ABLIM1: variants seen among roughly 807,000 people sequenced by gnomAD.
ABLIM1 encodes actin-binding LIM protein 1.
ABLIM1 carries 40 observed loss-of-function variants against 107.0 expected under a neutral mutation model. The observed-to-expected ratio is 0.37, with a 90% CI of 0.29 to 0.49. The LOEUF is 0.49. ABLIM1 is among the 20% of genes least tolerant of loss of function. The pLI is 0.97. For missense variants in ABLIM1, 857 were observed against 1,008.5 expected (o/e 0.85, Z 2.04); for synonymous variants, 357 against 357.3 (o/e 1.00, Z 0.01).
At chr10:114,555,513 T>C (rs1027100479) in intron 4 of ABLIM1, among the ~76,000 whole-genome samples, 2 of 152,196 alleles carry the variant, frequency 1.3e-5, no homozygotes, top group African/African-American at 4.8e-5. Flanking sequence ...TCCTGCCTCC[T>C]TCATTGTAAA....
chr10:114,465,560 T>G (rs758631253), intron 12 of ABLIM1, 138 bp downstream of exon 12: 1 of 1,002,068 alleles, frequency 1.0e-6, no homozygotes, highest in Non-Finnish European at 1.4e-6. Flanking sequence ...TATAGTTGGA[T>G]ACCAGTTTTC....
At chr10:114,618,100 A>G (rs568946606) in intron 1 of ABLIM1, among the ~76,000 whole-genome samples, 3 of 152,318 alleles carry the variant, frequency 2.0e-5, no homozygotes, top group African/African-American at 7.2e-5. Flanking sequence ...CAACTCAGTC[A>G]TTAGCTACTG....
chr10:114,714,751 C>A lies in ABLIM1; in HGVS notation c.-213+53310G>T, dbSNP rs566212863. On this transcript the variant is annotated intron_variant, in intron 1 of 15. Coordinates refer to the ABLIM1 transcript ENST00000651092. ...ATAGCAGATTATGGTATATAAACTA[C>A]AGATTCAGAAAACTAAGAGAAAGCC... Among the ~76,000 whole-genome samples the A allele has an allele frequency of 9.8e-5, 15 of 152,324 alleles. No individual in the cohort carries two copies. In the East Asian group the frequency reaches 2.7e-3, roughly 27 times the overall value.
At chr10:114,661,809 A>G (rs995971539), upstream of ABLIM1, among the ~76,000 whole-genome samples, 1 of 152,198 alleles carries the variant, frequency 6.6e-6, no homozygotes, top group Non-Finnish European at 1.5e-5. Context: ...ATAGACTATG[A>G]AAATGAACCA....
chr10:114,506,012 C>T (rs2061081947), intron 6 of ABLIM1, among the ~76,000 whole-genome samples: 1 of 152,176 alleles, frequency 6.6e-6, no homozygotes, highest in South Asian at 2.1e-4. Context: ...ACCCACTTCC[C>T]CTGTCACCAT....
At chr10:114,554,434 C>T (rs945154042) in intron 4 of ABLIM1, among the ~76,000 whole-genome samples, 7 of 152,170 alleles carry the variant, frequency 4.6e-5, no homozygotes, top group African/African-American at 1.7e-4. Context: ...TGGCTCACAC[C>T]TTAAATCTTA....
chr10:114,769,492 A>G (rs2082995064), upstream of ABLIM1, among the ~76,000 whole-genome samples: 1 of 150,776 alleles, frequency 6.6e-6, no homozygotes, highest in Non-Finnish European at 1.5e-5. Flanking sequence ...AAAGAAAGAA[A>G]GGGAAGGAAG....
intron 1 of ABLIM1, among the ~76,000 whole-genome samples, chr10:114,719,994 T>A (rs901189478): frequency 1.7e-4 from 26 of 152,200 alleles, no homozygotes; most frequent in African/African-American, 6.0e-4. Context: ...AAGCCCAGCA[T>A]GTATTAGCTA....
chr10:114,690,664 TGG>T, intron 1 of ABLIM1: 1 of 574,906 alleles, frequency 1.7e-6, no homozygotes, highest in Non-Finnish European at 3.1e-6. Flanking sequence ...GGGCTCCTGG[TGG>T]CGGCAGCGTC....
intron 1 of ABLIM1, among the ~76,000 whole-genome samples, chr10:114,656,269 CAAAAAAAAAA>C (rs71007486): frequency 1.6e-5 from 1 of 63,572 alleles, no homozygotes; most frequent in South Asian, 6.4e-4. Flanking sequence ...AACTCCGTCT[CAAAAAAAAAA>C]AAAAAAAAAA....
chr10:114,516,945 T>C (rs896633512), intron 6 of ABLIM1, among the ~76,000 whole-genome samples: 1 of 152,210 alleles, frequency 6.6e-6, no homozygotes, highest in African/African-American at 2.4e-5. Context: ...CTGGTGCTTT[T>C]CTGGGACCTG....
the ABLIM1 span, among the ~76,000 whole-genome samples, chr10:114,798,015 T>C: frequency 6.6e-6 from 1 of 152,222 alleles, no homozygotes; most frequent in Non-Finnish European, 1.5e-5. Flanking sequence ...TTATTTGCTA[T>C]TTTACTATTA....
chr10:114,473,944 A>T lies in ABLIM1; in HGVS notation c.1054T>A (p.Ser352Thr). 1.2e-6 allele frequency: 2 copies of T among 1,613,720 alleles called. No individual in the cohort carries two copies. Among genetic ancestry groups the T allele is most frequent in the Non-Finnish European group, 1.7e-6 (2 of 1,179,766 alleles). Residue 352 changes from serine to threonine, a missense_variant, in exon 9 of 23, where the codon TCC (serine) becomes ACC (threonine). Around this residue, in one of 5 missense-constraint regions of ABLIM1, gnomAD observed 381 missense variants for 506.9 expected, o/e 0.75. Transcript: ENST00000533213. The part of the protein sequence containing the change: ...TEEKLRPTRT[S>T]SESIYSRPGS... ...GGCCTAGAATAAATACTTTCCGAGG[A>T]TGTCCTGGTAGGCTGTAAAATAAAC...
chr10:114,768,320 C>A (rs572187231), upstream of ABLIM1, among the ~76,000 whole-genome samples: 1 of 147,642 alleles, frequency 6.8e-6, no homozygotes, highest in African/African-American at 2.4e-5. Context: ...GGGCGCGCCT[C>A]CCCCGCCCCG....
At chr10:114,724,031 G>C (rs1264159987) in intron 1 of ABLIM1, among the ~76,000 whole-genome samples, 2 of 152,176 alleles carry the variant, frequency 1.3e-5, no homozygotes, top group African/African-American at 4.8e-5. Flanking sequence ...ATCTGCAGGA[G>C]AGTCATGATT....
At chr10:114,801,296 A>G in the ABLIM1 span, among the ~76,000 whole-genome samples, 1 of 152,176 alleles carries the variant, frequency 6.6e-6, no homozygotes, top group East Asian at 1.9e-4. Context: ...AAAAGAAAAT[A>G]TATTTACCAT....
chr10:114,637,272 A>G (rs2078529257), intron 1 of ABLIM1, among the ~76,000 whole-genome samples: 1 of 152,198 alleles, frequency 6.6e-6, no homozygotes, highest in African/African-American at 2.4e-5. Flanking sequence ...GCTATATACC[A>G]TGCCATCAGA....
At chr10:114,560,881 G>C (rs1017433501) in intron 4 of ABLIM1, among the ~76,000 whole-genome samples, 2 of 152,210 alleles carry the variant, frequency 1.3e-5, no homozygotes, top group African/African-American at 2.4e-5. Context: ...GGGAAAAAGT[G>C]GGGGAAGGGG....
intron 2 of ABLIM1, chr10:114,601,589 C>A (rs1456733601): frequency 9.7e-6 from 6 of 620,656 alleles, no homozygotes; most frequent in African/African-American, 5.4e-5. Context: ...TTAGTCCCTT[C>A]TTCCAGGAGA....
Sources: allele counts gnomAD v4.1 joint callset (sites outside exome capture counted in the v4.1 genomes callset), GRCh38; gene constraint gnomAD v4.1.1; regional missense constraint gnomAD v4.1.1; transcripts MANE v1.5; gene names NCBI Gene and HGNC (gene_info 2026-07-23, HGNC 2026-07-21).